Variants in CALU observed in about 807,000 individuals in gnomAD.
CALU encodes IEF SSP 9302.
Under a neutral mutation model 37.5 loss-of-function variants are expected in CALU, and 13 were observed. That is an observed-to-expected ratio of 0.35 (90% CI 0.23 to 0.55). The LOEUF (loss-of-function observed/expected upper bound fraction) is 0.55, where lower values mean the gene tolerates loss of function less well. Among genes scored for constraint, CALU ranks in the 20% least tolerant of loss-of-function variants. The pLI, the probability that CALU is intolerant of heterozygous loss-of-function variation, is 0.89. For synonymous variants in CALU, 114 were observed against 133.8 expected (o/e 0.85, Z 1.02); for missense variants, 282 against 391.7 (o/e 0.72, Z 2.36).
At chr7:128,753,079 G>A (rs953402590) in intron 2 of CALU, among the ~76,000 whole-genome samples, 1 of 152,216 alleles carries the variant, frequency 6.6e-6, no homozygotes, top group Non-Finnish European at 1.5e-5. Flanking sequence ...TTACTTACAG[G>A]ATTTAAGTAA....
Position 128,772,477 on chromosome 7 carries a change from A to G in CALU, c.*3310A>G, listed in dbSNP as rs1801621775. The G allele has an allele frequency of 6.2e-7, 1 of 1,601,456 alleles. No homozygotes were observed. The highest frequency in any genetic ancestry group is 1.1e-5 in the South Asian group (1 of 90,528). On this transcript the variant is annotated 3_prime_UTR_variant, in exon 7 of 7. Coordinates refer to ENST00000249364, the MANE Select transcript of CALU (RefSeq NM_001219.5). ...AGTAGTTTGGTTTCTGACGGAGACA[A>G]TAGAAACTTACTTAAAAGTAAAATT...
intron 1 of CALU, among the ~76,000 whole-genome samples, chr7:128,743,031 T>C (rs911422544): frequency 2.0e-5 from 3 of 152,192 alleles, no homozygotes; most frequent in African/African-American, 7.2e-5. Context: ...CTAATACATA[T>C]AAAATACCAT....
At chr7:128,745,478 A>G (rs1800396920) in intron 1 of CALU, among the ~76,000 whole-genome samples, 2 of 151,636 alleles carry the variant, frequency 1.3e-5, no homozygotes, top group South Asian at 4.2e-4. Flanking sequence ...GGTGGTACAC[A>G]CTTGTATTCC....
At chr7:128,760,297 C>G (rs1248941481) in intron 5 of CALU, among the ~76,000 whole-genome samples, 5 of 152,182 alleles carry the variant, frequency 3.3e-5, no homozygotes, top group Non-Finnish European at 7.4e-5. Flanking sequence ...ATTAACCAGA[C>G]CAGTGTGATA....
In CALU at chr7:128,748,628, C is replaced by T. The variant is rs748749863; in HGVS notation, c.45C>T (p.Ala15=). 16 of 1,613,976 alleles carry T rather than the reference C, an allele frequency of 9.9e-6. No individual in the cohort carries two copies. The highest frequency in any genetic ancestry group is 1.2e-5 in the Non-Finnish European group (14 of 1,179,968). ...TTATGTGCCTGTCCCTGTGCACAGC[C>T]TTTGCCTTGAGCAAACCCACAGAAA... ...QFLMCLSLCT[A]FALSKPTEKK... The change falls in exon 2 of 7, where the codon GCC becomes GCT. Residue 15 remains alanine (A), a synonymous_variant. Transcript: ENST00000249364.
chr7:128,757,781 A>G (rs1391377099), intron 3 of CALU, among the ~76,000 whole-genome samples: 2 of 152,066 alleles, frequency 1.3e-5, no homozygotes, highest in Non-Finnish European at 2.9e-5. Flanking sequence ...TTAACGCCAC[A>G]TTTTTTCAGC....
At chr7:128,762,049 T>C (rs1323770770) in intron 5 of CALU, among the ~76,000 whole-genome samples, 1 of 152,222 alleles carries the variant, frequency 6.6e-6, no homozygotes, top group African/African-American at 2.4e-5. Context: ...ACTGATTTTT[T>C]TTTTTTTTGG....
chr7:128,759,036 A>T lies in CALU; in HGVS notation c.581A>T (p.Gln194Leu). ...GACTACATGAAAGATATAGTAGTAC[A>T]GGTGGGTGAGATGAAGGATTCTGAA... ...EYDYMKDIVV[Q>L]ETMEDIDKNA... is the part of the protein sequence containing the mutation. Residue 194 changes from glutamine (Q) to leucine (L), a missense_variant and splice_region_variant, in exon 4 of 7, where the codon CAG becomes CTG. Physicochemically the swap from Gln to Leu is moderately radical, Grantham distance 113. Transcript: ENST00000249364. 1 of 1,607,216 alleles carries T rather than the reference A, an allele frequency of 6.2e-7. No homozygotes were observed. The highest frequency in any genetic ancestry group is 8.5e-7 in the Non-Finnish European group (1 of 1,177,012).
Position 128,767,659 on chromosome 7 carries a change from A to G in CALU, c.843+4A>G. ...CTATGAATCAGACCAAAACAAGGTAAGTCTGGCGAGGCCCACACGCTCTAT... is the reference window on the plus strand; with the variant it reads ...CTATGAATCAGACCAAAACAAGGTAGGTCTGGCGAGGCCCACACGCTCTAT... On this transcript the variant is annotated splice_donor_region_variant and intron_variant, in intron 6 of 6. Coordinates refer to ENST00000249364, the MANE Select transcript of CALU (RefSeq NM_001219.5). The G allele has an allele frequency of 6.2e-7, 1 of 1,612,500 alleles. No individual in the cohort carries two copies. The highest frequency in any genetic ancestry group is 8.5e-7 in the Non-Finnish European group (1 of 1,178,608).
chr7:128,739,766 G>T (rs957089389), intron 1 of CALU, among the ~76,000 whole-genome samples: 1 of 152,192 alleles, frequency 6.6e-6, no homozygotes, highest in South Asian at 2.1e-4. Context: ...GGCACCAGAG[G>T]GTCATTTTTT....
intron 2 of CALU, among the ~76,000 whole-genome samples, chr7:128,752,213 C>T (rs114642569): frequency 0.012 from 1,777 of 152,070 alleles, 33 homozygotes; most frequent in African/African-American, 0.039. Context: ...CTATCTGTCC[C>T]TTTTTTAAAA....
Position 128,760,837 on chromosome 7 carries a change from G to A in CALU, c.643+985G>A, listed in dbSNP as rs1801085172. 3.9e-5 allele frequency among the ~76,000 whole-genome samples: 6 copies of A among 152,212 alleles called. No individual in the cohort carries two copies. The South Asian group carries it at 1.2e-3, about 31-fold the overall frequency. ...GCAGGAGAATGGCATGAACCCAGGA[G>A]GCAGAGCTTGCAGTAAGCTGAGATC... On this transcript the variant is annotated intron_variant, in intron 5 of 6. Coordinates refer to ENST00000249364, the MANE Select transcript of CALU (RefSeq NM_001219.5).
chr7:128,769,003 T>C (rs1273660412), intron 6 of CALU, 60 bp from the exon 7 acceptor site: 2 of 963,560 alleles, frequency 2.1e-6, no homozygotes, highest in East Asian at 4.8e-5. Flanking sequence ...TATAACAGTG[T>C]TTCTGAATTT....
Position 128,768,847 on chromosome 7 carries a change from C to CAAAAAAAAAAACAAAA in CALU, c.844-205_844-204insCAAAAAAAAAAAAAAA, listed in dbSNP as rs1491481537. ...GGGCAACAAGAGCGAAACTCCGTCT[C>CAAAAAAAAAAACAAAA]AAAAAAAAAAAAAAAAAAAAACAAG... On this transcript the variant is annotated intron_variant, in intron 6 of 6. Transcript: ENST00000249364. Among the ~76,000 whole-genome samples, 29 of 55,194 alleles carry CAAAAAAAAAAACAAAA rather than the reference C, an allele frequency of 5.3e-4. 2 individuals carry two copies. Among genetic ancestry groups the CAAAAAAAAAAACAAAA allele is most frequent in the African/African-American group, 2.3e-3 (27 of 11,572 alleles). 36.2% of individuals were successfully genotyped at this position (55,194 alleles called of 152,430 possible).
chr7:128,772,668 A>G lies in CALU; in HGVS notation c.*3501A>G. On this transcript the variant is annotated 3_prime_UTR_variant, in exon 7 of 7. Coordinates refer to ENST00000249364, the MANE Select transcript of CALU (RefSeq NM_001219.5). Reference sequence around the variant, plus strand: ...ATGATGCAAGCTTGGAACTGGAGAGAAAGGTACAATTGGAGATAACCTTGG... The same window carrying G: ...ATGATGCAAGCTTGGAACTGGAGAGGAAGGTACAATTGGAGATAACCTTGG... The G allele has an allele frequency of 2.5e-6, 4 of 1,614,064 alleles. No individual in the cohort carries two copies. The highest frequency in any genetic ancestry group is 3.4e-6 in the Non-Finnish European group (4 of 1,179,936).
At chr7:128,749,740 A>G (rs573583071) in intron 2 of CALU, among the ~76,000 whole-genome samples, 1 of 152,316 alleles carries the variant, frequency 6.6e-6, no homozygotes, top group South Asian at 2.1e-4. Context: ...ACTGAAGGGT[A>G]CAATGTTTTA....
At position 128,767,589 on chromosome 7, in the gene CALU, T is replaced by G. The variant is rs750170483; in HGVS notation, c.777T>G (p.Leu259=). 5.7e-5 allele frequency: 92 copies of G among 1,614,036 alleles called. No homozygotes were observed. Among genetic ancestry groups the G allele is most frequent in the Non-Finnish European group, 7.6e-5 (90 of 1,180,016 alleles). The part of the protein sequence containing the change: ...MDKEETKDWI[L]PSDYDHAEAE... ...AGGAAGAGACCAAAGACTGGATCCT[T>G]CCCTCAGACTATGATCATGCAGAGG... Residue 259 remains leucine, a synonymous_variant, in exon 6 of 7, where the codon CTT becomes CTG. Coordinates refer to ENST00000249364, the MANE Select transcript of CALU (RefSeq NM_001219.5).
intron 1 of CALU, chr7:128,747,510 C>T (rs758256813): frequency 6.6e-6 from 1 of 151,676 alleles, no homozygotes; most frequent in Non-Finnish European, 1.5e-5. Context: ...TACTCTAGAA[C>T]ACTTTCCACT....
In CALU at chr7:128,768,847, C is replaced by CAAAAAAAAAAAAAAAAAAAAAAAAA. The variant is rs1012831963; in HGVS notation, c.844-195_844-194insAAAAAAAAAAAAAAAAAAAAAAAAA. 7.2e-4 allele frequency among the ~76,000 whole-genome samples: 40 copies of CAAAAAAAAAAAAAAAAAAAAAAAAA among 55,180 alleles called. 3 individuals are homozygous for CAAAAAAAAAAAAAAAAAAAAAAAAA. Among genetic ancestry groups the CAAAAAAAAAAAAAAAAAAAAAAAAA allele is most frequent in the East Asian group, 1.1e-3 (2 of 1,816 alleles). 36.2% of individuals were successfully genotyped at this position (55,180 alleles called of 152,430 possible). On this transcript the variant is annotated intron_variant, in intron 6 of 6. Transcript: ENST00000249364. ...GGGCAACAAGAGCGAAACTCCGTCT[C>CAAAAAAAAAAAAAAAAAAAAAAAAA]AAAAAAAAAAAAAAAAAAAAACAAG... is the stretch of plus-strand genomic sequence containing the variant.
Sources: gnomAD v4.1 joint callset for allele counts (sites outside exome capture counted in the v4.1 genomes callset) on GRCh38, gnomAD v4.1.1 for gene constraint, MANE v1.5 for transcripts, NCBI Gene and HGNC (gene_info 2026-07-23, HGNC 2026-07-21) for gene names.